TIMM23: variants seen among roughly 807,000 people sequenced by gnomAD.
TIMM23 encodes the protein translocase of inner mitochondrial membrane 23, also known as mitochondrial import inner membrane translocase subunit Tim23.
In TIMM23, 19 loss-of-function variants were observed where a neutral mutation model predicts 30.7. The ratio of observed to expected loss-of-function variants is 0.62; its 90% confidence interval spans 0.43 to 0.91. TIMM23 has a LOEUF of 0.91. Ranked by LOEUF, TIMM23 falls within the 40% of genes least tolerant of loss-of-function variation. TIMM23 has a pLI of 0.00. For synonymous variants in TIMM23, 78 were observed against 98.5 expected, an observed-to-expected ratio of 0.79 and a Z score of 1.23; for missense variants, 202 against 269.2, an observed-to-expected ratio of 0.75 and a Z score of 1.75.
At chr10:45,992,230 C>T (rs1351516191) in intron 6 of TIMM23, among the ~76,000 whole-genome samples, 1 of 152,206 alleles carries the variant, frequency 6.6e-6, no homozygotes, top group Non-Finnish European at 1.5e-5. Context: ...TCCTGAGTTG[C>T]TGGATTACAG....
intron 2 of TIMM23, among the ~76,000 whole-genome samples, chr10:45,979,875 G>T (rs1837792895): frequency 1.3e-5 from 2 of 151,668 alleles, no homozygotes; most frequent in African/African-American, 2.4e-5. Flanking sequence ...TTCAAAACTA[G>T]CTGCATGTAT....
At chr10:45,983,599 T>C (rs1554914410) in intron 4 of TIMM23, among the ~76,000 whole-genome samples, 1 of 152,212 alleles carries the variant, frequency 6.6e-6, no homozygotes, top group East Asian at 1.9e-4. Context: ...ATGCTTCATG[T>C]AAGTGGAATC....
intron 6 of TIMM23, among the ~76,000 whole-genome samples, chr10:45,997,950 G>GT (rs1295328843): frequency 2.6e-5 from 4 of 152,082 alleles, no homozygotes; most frequent in African/African-American, 7.2e-5. Context: ...AAAGAATAAA[G>GT]TTTTTTTAAA....
intron 6 of TIMM23, among the ~76,000 whole-genome samples, chr10:45,989,654 G>C (rs1288579696): frequency 1.3e-5 from 2 of 152,106 alleles, no homozygotes; most frequent in Non-Finnish European, 2.9e-5. Flanking sequence ...TTAAACAATA[G>C]TTTGACCTGT....
intron 6 of TIMM23, chr10:45,992,456 TAGG>T (rs1419861997): frequency 2.2e-6 from 1 of 455,940 alleles, no homozygotes; most frequent in South Asian, 1.6e-5. Context: ...AGACTCTCCT[TAGG>T]AGAATTGTGA....
At chr10:45,973,355 T>C (rs868932491) in intron 1 of TIMM23, among the ~76,000 whole-genome samples, 3,445 of 152,286 alleles carry the variant, frequency 0.023, 123 homozygotes, top group African/African-American at 0.078. Flanking sequence ...CTCCTCGGTC[T>C]TGTGAAAATG....
intron 5 of TIMM23, among the ~76,000 whole-genome samples, chr10:45,988,153 C>T (rs1160215715): frequency 2.0e-5 from 3 of 152,156 alleles, no homozygotes; most frequent in African/African-American, 7.2e-5. Flanking sequence ...ATTGGATAGG[C>T]ATGACTGAAG....
intron 5 of TIMM23, among the ~76,000 whole-genome samples, chr10:45,986,796 T>C (rs1305836837): frequency 8.1e-6 from 1 of 123,428 alleles, no homozygotes; most frequent in Non-Finnish European, 1.7e-5. Flanking sequence ...TTTCTTATAC[T>C]AGAAATACGT....
chr10:46,000,387 TCC>T (rs1434546053), intron 6 of TIMM23, among the ~76,000 whole-genome samples: 1 of 152,140 alleles, frequency 6.6e-6, no homozygotes, highest in African/African-American at 2.4e-5. Flanking sequence ...CCGTTTGGGG[TCC>T]CTGACTTCCC....
At chr10:46,003,112 C>G in intron 6 of TIMM23, 91 bp from the exon 7 acceptor site, 1 of 1,050,848 alleles carries the variant, frequency 9.5e-7, no homozygotes, top group Non-Finnish European at 1.4e-6. Flanking sequence ...CGTGCCCAGC[C>G]CATTTCACAG....
chr10:45,979,634 A>G (rs1268623747), intron 2 of TIMM23, among the ~76,000 whole-genome samples: 2 of 28,908 alleles, frequency 6.9e-5, no homozygotes, highest in Non-Finnish European at 1.4e-4. Flanking sequence ...TTTTTTTTTT[A>G]AGCATTATGG....
intron 1 of TIMM23, 119 bp downstream of exon 1, chr10:45,972,849 G>A (rs1191726586): frequency 6.5e-6 from 10 of 1,531,552 alleles, no homozygotes; most frequent in African/African-American, 2.8e-5. Context: ...ACAAGCTTAA[G>A]TACCAGTGGT....
intron 6 of TIMM23, among the ~76,000 whole-genome samples, chr10:45,989,557 T>C (rs1283125753): frequency 1.3e-5 from 2 of 152,336 alleles, no homozygotes; most frequent in Non-Finnish European, 2.9e-5. Flanking sequence ...TATAAGATTC[T>C]TTTCTGTATT....
intron 1 of TIMM23, among the ~76,000 whole-genome samples, chr10:45,975,225 T>C (rs1837631782): frequency 6.6e-6 from 1 of 152,250 alleles, no homozygotes; most frequent in African/African-American, 2.4e-5. Flanking sequence ...AATTATCTTA[T>C]TGGTGTAAAA....
chr10:45,990,510 C>G (rs1451653405), intron 6 of TIMM23, among the ~76,000 whole-genome samples: 3 of 151,486 alleles, frequency 2.0e-5, no homozygotes, highest in African/African-American at 7.3e-5. Flanking sequence ...TAGCCTTGAC[C>G]TCCTGGGCTC....
chr10:45,984,201 C>T (rs1486461859), intron 4 of TIMM23, among the ~76,000 whole-genome samples: 29 of 152,134 alleles, frequency 1.9e-4, no homozygotes, highest in African/African-American at 6.8e-4. Context: ...AGACAAAATA[C>T]ATAGCATAGT....
rs1408756963 is a variant in TIMM23, at chr10:45,988,669, A to T, written c.404-68A>T. ...AGCTAGGAACCATGGATGAAAACCAATATATGTATATCATAATATCACACT... is the reference window on the plus strand; with the variant it reads ...AGCTAGGAACCATGGATGAAAACCATTATATGTATATCATAATATCACACT... On this transcript the variant is annotated intron_variant, in intron 5 of 6. Coordinates refer to ENST00000580018, the MANE Select transcript of TIMM23 (RefSeq NM_006327.4). 8.7e-5 allele frequency: 95 copies of T among 1,094,446 alleles called. No individual in the cohort carries two copies. In the African/African-American group the frequency reaches 1.4e-3, roughly 16 times the overall value. The allele number at this position is 1,094,446 out of a possible 1,614,324, so 67.8% of individuals were successfully genotyped here. A position where few individuals can be genotyped will look rare whatever the true frequency, so the allele number is the denominator to read the frequency against.
intron 6 of TIMM23, among the ~76,000 whole-genome samples, chr10:45,991,854 A>G (rs1554915820): frequency 1.3e-5 from 2 of 152,036 alleles, no homozygotes; most frequent in East Asian, 1.9e-4. Flanking sequence ...TGTGGAAGCA[A>G]TATATGTGAC....
intron 6 of TIMM23, among the ~76,000 whole-genome samples, chr10:45,989,365 A>T (rs1363775851): frequency 6.6e-6 from 1 of 152,176 alleles, no homozygotes; most frequent in Non-Finnish European, 1.5e-5. Context: ...CACATTTTGC[A>T]TGTGCGTTCT....
Sources: gnomAD v4.1 joint callset for allele counts (sites outside exome capture counted in the v4.1 genomes callset) on GRCh38, gnomAD v4.1.1 for gene constraint, MANE v1.5 for transcripts, NCBI Gene and HGNC (gene_info 2026-07-23, HGNC 2026-07-21) for gene names.